Variants in PCDH15 observed in about 807,000 individuals in gnomAD.
PCDH15 encodes the protein protocadherin related 15, also known as protocadherin-15.
PCDH15 carries 129 observed loss-of-function variants against 178.5 expected under a neutral mutation model. The observed-to-expected ratio is 0.72, with a 90% confidence interval of 0.63 to 0.84. PCDH15 has a LOEUF of 0.84. PCDH15 is among the 40% of genes least tolerant of loss of function. PCDH15 has a pLI of 0.00. For missense variants in PCDH15, 2,230 were observed against 2,099.9 expected (o/e 1.06, Z -1.21); for synonymous variants, 800 against 732.0 (o/e 1.09, Z -1.50).
intron 15 of PCDH15, among the ~76,000 whole-genome samples, chr10:54,111,576 A>T (rs2095024208): frequency 2.0e-5 from 3 of 152,184 alleles, no homozygotes; most frequent in African/African-American, 7.2e-5. Context: ...GTCATTTATA[A>T]GAAGGAATGA....
chr10:53,883,925 A>G (rs1393971500), intron 26 of PCDH15, among the ~76,000 whole-genome samples: 7 of 152,162 alleles, frequency 4.6e-5, no homozygotes, highest in African/African-American at 1.7e-4. Context: ...CATGTTGGCC[A>G]GGCTGGTCTT....
chr10:54,549,297 A>C (rs1414516442), intron 2 of PCDH15, among the ~76,000 whole-genome samples: 3 of 151,812 alleles, frequency 2.0e-5, no homozygotes, highest in Admixed American at 2.0e-4. Flanking sequence ...CAACCATGAG[A>C]AGTTAAGGCT....
intron 6 of PCDH15, among the ~76,000 whole-genome samples, chr10:54,341,272 T>C (rs1942172374): frequency 6.6e-6 from 1 of 152,086 alleles, no homozygotes; most frequent in Non-Finnish European, 1.5e-5. Flanking sequence ...ATCTGGTAGG[T>C]GGTGACTGGT....
intron 2 of PCDH15, among the ~76,000 whole-genome samples, chr10:55,495,403 A>G (rs1840509863): frequency 1.3e-5 from 2 of 151,776 alleles, no homozygotes; most frequent in South Asian, 4.1e-4. Flanking sequence ...AAGAATTATC[A>G]GAACTCAATA....
intron 27 of PCDH15, among the ~76,000 whole-genome samples, chr10:53,859,338 A>G (rs2078957019): frequency 6.6e-6 from 1 of 152,158 alleles, no homozygotes; most frequent in Non-Finnish European, 1.5e-5. Flanking sequence ...GGATAGGGTG[A>G]GTAGTAGGGA....
intron 3 of PCDH15, among the ~76,000 whole-genome samples, chr10:54,503,577 G>A (rs1284487280): frequency 6.6e-6 from 1 of 151,338 alleles, no homozygotes; most frequent in Non-Finnish European, 1.5e-5. Flanking sequence ...GCTGTACTGA[G>A]GTGAAACTAA....
At chr10:55,013,400 C>T (rs1840093411) in intron 2 of PCDH15, among the ~76,000 whole-genome samples, 1 of 134,362 alleles carries the variant, frequency 7.4e-6, no homozygotes, top group Non-Finnish European at 1.6e-5. Context: ...CAAGAATTGG[C>T]ACCTGGTTAC....
At chr10:54,286,808 A>G (rs2059056468) in intron 8 of PCDH15, among the ~76,000 whole-genome samples, 1 of 152,088 alleles carries the variant, frequency 6.6e-6, no homozygotes, top group African/African-American at 2.4e-5. Flanking sequence ...GTATTTTTTT[A>G]GTAGAGACGG....
At chr10:54,952,697 T>A (rs1305389456) in intron 2 of PCDH15, among the ~76,000 whole-genome samples, 1 of 151,786 alleles carries the variant, frequency 6.6e-6, no homozygotes, top group Non-Finnish European at 1.5e-5. Flanking sequence ...TTTCCTCATA[T>A]AGGCATTGTA....
intron 2 of PCDH15, among the ~76,000 whole-genome samples, chr10:54,543,716 G>C (rs765437321): frequency 9.9e-5 from 15 of 152,004 alleles, no homozygotes; most frequent in Non-Finnish European, 1.6e-4. Context: ...ATGTAGCATC[G>C]CTCTAGAAAC....
At chr10:54,458,721 C>T (rs1033545400) in intron 3 of PCDH15, among the ~76,000 whole-genome samples, 1 of 152,122 alleles carries the variant, frequency 6.6e-6, no homozygotes, top group East Asian at 1.9e-4. Context: ...TCAAAACATA[C>T]TTCAGTGACT....
chr10:54,046,829 C>A (rs1264187570), intron 18 of PCDH15, among the ~76,000 whole-genome samples: 1 of 151,818 alleles, frequency 6.6e-6, no homozygotes, highest in African/African-American at 2.4e-5. Flanking sequence ...GTTTAAAGGA[C>A]AAGAGTTGGT....
intron 3 of PCDH15, among the ~76,000 whole-genome samples, chr10:54,511,792 T>C (rs953143285): frequency 6.6e-6 from 1 of 152,200 alleles, no homozygotes; most frequent in African/African-American, 2.4e-5. Flanking sequence ...AATAGCATTG[T>C]TTAATACAAG....
intron 8 of PCDH15, among the ~76,000 whole-genome samples, chr10:54,247,881 A>ATATATATAT (rs1554857290): frequency 1.3e-5 from 2 of 148,494 alleles, no homozygotes; most frequent in African/African-American, 5.0e-5. Flanking sequence ...AAAAAAAAGA[A>ATATATATAT]ATATGTATAT....
chr10:54,182,403 T>A (rs2048070965), intron 13 of PCDH15, among the ~76,000 whole-genome samples: 1 of 152,138 alleles, frequency 6.6e-6, no homozygotes, highest in Admixed American at 6.5e-5. Flanking sequence ...CAGCCAAAGT[T>A]GCTAACCTCC....
chr10:55,505,627 G>A (rs1840744115), intron 2 of PCDH15, among the ~76,000 whole-genome samples: 1 of 151,234 alleles, frequency 6.6e-6, no homozygotes, highest in South Asian at 2.1e-4. Flanking sequence ...AATGGCAGGA[G>A]AATTTAAATT....
At chr10:55,066,894 A>G (rs1202287360) in intron 2 of PCDH15, among the ~76,000 whole-genome samples, 1 of 151,874 alleles carries the variant, frequency 6.6e-6, no homozygotes, top group Non-Finnish European at 1.5e-5. Flanking sequence ...ATACTACAAA[A>G]TAACTAAAAT....
chr10:55,594,213 G>T (rs183954547), intron 2 of PCDH15, among the ~76,000 whole-genome samples: 3 of 151,924 alleles, frequency 2.0e-5, no homozygotes, highest in African/African-American at 7.2e-5. Flanking sequence ...AGAAATGTGT[G>T]TGTGTGTGTA....
intron 6 of PCDH15, among the ~76,000 whole-genome samples, chr10:54,335,649 T>C (rs536589252): frequency 6.6e-6 from 1 of 152,326 alleles, no homozygotes; most frequent in East Asian, 1.9e-4. Flanking sequence ...ACATGCCTTT[T>C]GCCTCCCACC....
Sources: allele counts gnomAD v4.1 joint callset (sites outside exome capture counted in the v4.1 genomes callset), GRCh38; gene constraint gnomAD v4.1.1; transcripts MANE v1.5; gene names NCBI Gene and HGNC (gene_info 2026-07-23, HGNC 2026-07-21).